PLAG1: variants seen among roughly 807,000 people sequenced by gnomAD.
PLAG1 encodes the protein zinc finger protein PLAG1.
PLAG1 carries 7 observed loss-of-function variants against 35.5 expected under a neutral mutation model. The ratio of observed to expected loss-of-function variants is 0.20; its 90% CI spans 0.11 to 0.37. The LOEUF (loss-of-function observed/expected upper bound fraction) is 0.37. Among genes scored for constraint, PLAG1 ranks in the 10% least tolerant of loss-of-function variants. PLAG1 has a pLI of 1.00. For synonymous variants in PLAG1, 229 were observed against 225.4 expected (o/e 1.02, Z -0.14); for missense variants, 454 against 602.8 (o/e 0.75, Z 2.58).
chr8:56,198,214 A>T (rs1462794842), intron 1 of PLAG1, among the ~76,000 whole-genome samples: 1 of 152,244 alleles, frequency 6.6e-6, no homozygotes, highest in Non-Finnish European at 1.5e-5. Context: ...GGTGGAGGAC[A>T]GCACGTGGTC....
At position 56,164,562 on chromosome 8, in the gene PLAG1, G is replaced by GTT. The variant is rs199621845; in HGVS notation, c.*1679_*1680dup. 2.3e-5 allele frequency: 5 copies of GTT among 219,950 alleles called. No individual in the cohort carries two copies. Among genetic ancestry groups the GTT allele is most frequent in the Non-Finnish European group, 4.5e-5 (5 of 110,060 alleles). The allele number at this position is 219,950 out of a possible 1,614,324, so 13.6% of individuals were successfully genotyped here. ...AGTGCTCAGAAATATTTTTCTTTCT[G>GTT]TTTTTTTTTAAAGAGATATATACTC... On this transcript the variant is annotated 3_prime_UTR_variant, in exon 5 of 5. Transcript: ENST00000316981.
At position 56,196,118 on chromosome 8, in the gene PLAG1, T is replaced by C. The variant is rs374050041; in HGVS notation, c.-322+15003A>G. Among the ~76,000 whole-genome samples, 421 of 152,126 alleles carry C rather than the reference T, an allele frequency of 2.8e-3. 2 individuals are homozygous for C. The highest frequency in any genetic ancestry group is 9.6e-3 in the African/African-American group (398 of 41,474). Reference sequence around the variant, plus strand: ...AGGGAGCAGAGGAAAAGAGAACCCCTAGTAGAACGAGCTGGGGAGCCAAAG... The same window carrying C: ...AGGGAGCAGAGGAAAAGAGAACCCCCAGTAGAACGAGCTGGGGAGCCAAAG... On this transcript the variant is annotated intron_variant, in intron 1 of 4. Transcript: ENST00000316981.
chr8:56,200,795 C>G (rs908683862), intron 1 of PLAG1, among the ~76,000 whole-genome samples: 5 of 152,164 alleles, frequency 3.3e-5, no homozygotes, highest in African/African-American at 1.2e-4. Context: ...TCAAGTTCCA[C>G]CTCTCCCTCC....
chr8:56,168,057 C>A lies in PLAG1; in HGVS notation c.213G>T (p.Lys71Asn). 1 of 1,596,782 alleles carries A rather than the reference C, an allele frequency of 6.3e-7. No individual in the cohort carries two copies. Among genetic ancestry groups the A allele is most frequent in the Non-Finnish European group, 8.6e-7 (1 of 1,167,716 alleles). Residue 71 changes from lysine (K) to asparagine (N), a missense_variant, in exon 4 of 5, where the codon AAG becomes AAT. Around this residue, in one of 4 missense-constraint regions of PLAG1, gnomAD observed 170 missense variants for 226.3 expected, o/e 0.75. Coordinates refer to ENST00000316981, the MANE Select transcript of PLAG1 (RefSeq NM_002655.3). ...PYKCIQQDCT[K>N]AFVSKYKLQR... ...GTAATTTGTACTTAGAAACAAAGGC[C>A]TTGGTGCAGTCTTGTTGTATGCACT...
Position 56,168,316 on chromosome 8 carries a change from A to G in PLAG1, c.-47T>C, listed in dbSNP as rs1330000488. 6 of 1,548,804 alleles carry G rather than the reference A, an allele frequency of 3.9e-6. No individual in the cohort carries two copies. The Admixed American group carries it at 7.5e-5, about 19-fold the overall frequency. On this transcript the variant is annotated 5_prime_UTR_variant, in exon 4 of 5. Coordinates refer to ENST00000316981, the MANE Select transcript of PLAG1 (RefSeq NM_002655.3). The stretch of plus-strand genomic sequence containing the variant: ...TTGTTGGACACTTGGGAACTGCCCA[A>G]CTCCACTAAATGATATAGCTTTAGG...
At position 56,166,373 on chromosome 8, in the gene PLAG1, G is replaced by T. The variant is rs144552372; in HGVS notation, c.1373C>A (p.Pro458Gln). The T allele has an allele frequency of 1.3e-5, 21 of 1,613,698 alleles. No homozygotes were observed. The highest frequency in any genetic ancestry group is 1.5e-5 in the Non-Finnish European group (18 of 1,179,734). The part of the protein sequence containing the change: ...EAHSSVSQLP[P>Q]QTQDLQDPAN... Reference sequence around the variant, plus strand: ...AGGATCCTGAAGATCCTGTGTTTGTGGGGGGAGCTGGGAAACAGAAGAATG... The same window carrying T: ...AGGATCCTGAAGATCCTGTGTTTGTTGGGGGAGCTGGGAAACAGAAGAATG... Residue 458 changes from proline to glutamine, a missense_variant, in exon 5 of 5, where the codon CCA becomes CAA. Physicochemically the swap from Pro to Gln is moderately conservative, Grantham distance 76 (BLOSUM62 -1). Around this residue, in one of 4 missense-constraint regions of PLAG1, gnomAD observed 271 missense variants for 315.6 expected, o/e 0.86. Transcript: ENST00000316981.
intron 1 of PLAG1, among the ~76,000 whole-genome samples, chr8:56,198,085 G>A (rs994033316): frequency 6.6e-6 from 1 of 152,282 alleles, no homozygotes; most frequent in East Asian, 1.9e-4. Context: ...GCCTCTAACC[G>A]CTGCTCAGGG....
chr8:56,181,485 C>G (rs950718101), intron 1 of PLAG1, among the ~76,000 whole-genome samples: 1 of 151,540 alleles, frequency 6.6e-6, no homozygotes, highest in African/African-American at 2.4e-5. Flanking sequence ...CCAAATACTA[C>G]ATGTTCTCAC....
intron 2 of PLAG1, among the ~76,000 whole-genome samples, chr8:56,173,520 A>G (rs1402029479): frequency 6.6e-6 from 1 of 152,092 alleles, no homozygotes; most frequent in Non-Finnish European, 1.5e-5. Context: ...AAACTTAAAA[A>G]GCACCAGGAG....
Position 56,168,280 on chromosome 8 carries a change from A to G in PLAG1, c.-11T>C, listed in dbSNP as rs779671082. On this transcript the variant is annotated 5_prime_UTR_variant, in exon 4 of 5. Coordinates refer to ENST00000316981, the MANE Select transcript of PLAG1 (RefSeq NM_002655.3). ...AATGACAGTGGCCATCGCAGCCTAA[A>G]CCAGGCCTTCTTGTTGGACACTTGG... is the stretch of plus-strand genomic sequence containing the variant. The G allele has an allele frequency of 5.0e-6, 8 of 1,601,826 alleles. No homozygotes were observed. In the South Asian group the frequency reaches 9.0e-5, roughly 18 times the overall value.
At chr8:56,175,108 AT>A (rs1303602472) in intron 2 of PLAG1, among the ~76,000 whole-genome samples, 1 of 152,026 alleles carries the variant, frequency 6.6e-6, no homozygotes. Context: ...ATAGAACAGT[AT>A]TTTTTTTGAA....
rs1811232288 is a variant in PLAG1, at chr8:56,162,514, C to T, written c.*3729G>A. 4.7e-6 allele frequency: 1 copy of T among 213,448 alleles called. No homozygotes were observed. The highest frequency in any genetic ancestry group is 9.5e-6 in the Non-Finnish European group (1 of 105,356). The allele number at this position is 213,448 out of a possible 1,614,324, so 13.2% of individuals were successfully genotyped here. ...CAAAGCATTATATATCAAAGGCCTA[C>T]ATATATATCATCTAATGGCACTTGA... On this transcript the variant is annotated 3_prime_UTR_variant, in exon 5 of 5. Coordinates refer to ENST00000316981, the MANE Select transcript of PLAG1 (RefSeq NM_002655.3).
At chr8:56,179,914 C>A (rs1811815610) in intron 1 of PLAG1, among the ~76,000 whole-genome samples, 1 of 151,922 alleles carries the variant, frequency 6.6e-6, no homozygotes, top group South Asian at 2.1e-4. Flanking sequence ...GAAATCTTGC[C>A]CCATGAGTGC....
At chr8:56,208,604 A>G (rs1812763766) in intron 1 of PLAG1, among the ~76,000 whole-genome samples, 1 of 152,204 alleles carries the variant, frequency 6.6e-6, no homozygotes. Flanking sequence ...ATTCAGCTCT[A>G]ATTTTAATCC....
At chr8:56,182,648 G>T (rs1811904223) in intron 1 of PLAG1, among the ~76,000 whole-genome samples, 1 of 152,174 alleles carries the variant, frequency 6.6e-6, no homozygotes, top group Non-Finnish European at 1.5e-5. Flanking sequence ...TGTAAATAAG[G>T]ATAGCTCATT....
chr8:56,205,295 A>G (rs1386415772), intron 1 of PLAG1, among the ~76,000 whole-genome samples: 1 of 151,892 alleles, frequency 6.6e-6, no homozygotes, highest in African/African-American at 2.4e-5. Context: ...CACATTCAAA[A>G]CAATCTTCAA....
rs114525270 is a variant in PLAG1 at position 56,192,259 on chromosome 8, C to T, written c.-321-12746G>A. 7.4e-3 allele frequency among the ~76,000 whole-genome samples: 1,131 copies of T among 152,264 alleles called. 9 individuals carry two copies. The highest frequency in any genetic ancestry group is 0.026 in the African/African-American group (1,077 of 41,542). On this transcript the variant is annotated intron_variant, in intron 1 of 4. Coordinates refer to ENST00000316981, the MANE Select transcript of PLAG1 (RefSeq NM_002655.3). ...AAAGAAAAGTGGGCACTTATCTTTTCGCCCACTCATTTTACACCTAAGCAT... is the reference window on the plus strand; with the variant it reads ...AAAGAAAAGTGGGCACTTATCTTTTTGCCCACTCATTTTACACCTAAGCAT...
Position 56,161,554 on chromosome 8 carries a change from T to C in PLAG1, c.*4689A>G, listed in dbSNP as rs977849880. 1.4e-4 allele frequency: 31 copies of C among 228,622 alleles called. No homozygotes were observed. The highest frequency in any genetic ancestry group is 6.9e-4 in the African/African-American group (31 of 45,050). 14.2% of individuals were successfully genotyped at this position (228,622 alleles called of 1,614,324 possible). A position where few individuals can be genotyped will look rare whatever the true frequency, so the allele number is the denominator to read the frequency against. On this transcript the variant is annotated 3_prime_UTR_variant, in exon 5 of 5. Coordinates refer to ENST00000316981, the MANE Select transcript of PLAG1 (RefSeq NM_002655.3). The stretch of plus-strand genomic sequence containing the variant: ...GCCCACTTTCCATTCTGAGTTACAG[T>C]CACCTTGTGGACAAAAGCTGGGTTT...
intron 1 of PLAG1, among the ~76,000 whole-genome samples, chr8:56,191,335 T>G (rs898406484): frequency 6.6e-6 from 1 of 152,078 alleles, no homozygotes; most frequent in Non-Finnish European, 1.5e-5. Flanking sequence ...AAGCATAAAC[T>G]GTAGCAGCAG....
Sources: allele counts gnomAD v4.1 joint callset (sites outside exome capture counted in the v4.1 genomes callset), GRCh38; gene constraint gnomAD v4.1.1; regional missense constraint gnomAD v4.1.1; transcripts MANE v1.5; gene names NCBI Gene and HGNC (gene_info 2026-07-23, HGNC 2026-07-21).